PRKACB: variants seen among roughly 807,000 people sequenced by gnomAD.
PRKACB encodes the protein protein kinase cAMP-activated catalytic subunit beta, also known as cAMP-dependent protein kinase catalytic subunit beta.
Under a neutral mutation model 51.4 loss-of-function variants are expected in PRKACB, and 16 were observed. That is an observed-to-expected ratio of 0.31 (90% CI 0.21 to 0.47). The LOEUF (loss-of-function observed/expected upper bound fraction) is 0.47, where lower values mean the gene tolerates loss of function less well. PRKACB is among the 20% of genes least tolerant of loss of function. The pLI, the probability that PRKACB is intolerant of heterozygous loss-of-function variation, is 1.00. For synonymous variants in PRKACB, 147 were observed against 154.4 expected (o/e 0.95, Z 0.35); for missense variants, 309 against 464.5 (o/e 0.67, Z 3.08).
chr1:84,174,813 TAAG>T (rs1336404259), intron 1 of PRKACB, among the ~76,000 whole-genome samples: 1 of 151,896 alleles, frequency 6.6e-6, no homozygotes, highest in Admixed American at 6.6e-5. Context: ...TTAAGGAAAA[TAAG>T]AAGGTTATTG....
At chr1:84,199,016 C>T (rs551525564) in intron 7 of PRKACB, among the ~76,000 whole-genome samples, 3 of 140,642 alleles carry the variant, frequency 2.1e-5, no homozygotes, top group Non-Finnish European at 3.1e-5. Context: ...TACATATATG[C>T]GTATATATAC....
upstream of PRKACB, among the ~76,000 whole-genome samples, chr1:84,142,444 T>C (rs994657559): frequency 1.3e-5 from 2 of 152,210 alleles, no homozygotes; most frequent in East Asian, 1.9e-4. Flanking sequence ...TGTTGAAGAC[T>C]ACAGACATTT....
intron 1 of PRKACB, among the ~76,000 whole-genome samples, chr1:84,100,105 A>G (rs1366188983): frequency 1.3e-5 from 2 of 152,240 alleles, no homozygotes; most frequent in Non-Finnish European, 2.9e-5. Flanking sequence ...AGGCCTCAGG[A>G]AACTTACATT....
At chr1:84,169,546 G>A (rs996802343) in intron 1 of PRKACB, among the ~76,000 whole-genome samples, 5 of 151,438 alleles carry the variant, frequency 3.3e-5, no homozygotes, top group African/African-American at 1.2e-4. Context: ...AGAATGTAGA[G>A]GAAATGGACA....
At position 84,148,541 on chromosome 1, in the gene PRKACB, G is replaced by A. The variant is rs112068828; in HGVS notation, c.187+3993G>A. Among the ~76,000 whole-genome samples, 287 of 152,044 alleles carry A rather than the reference G, an allele frequency of 1.9e-3. 1 individual carries two copies. The highest frequency in any genetic ancestry group is 6.6e-3 in the African/African-American group (274 of 41,502). On this transcript the variant is annotated intron_variant, in intron 1 of 9. Coordinates refer to ENST00000370685, the MANE Select transcript of PRKACB (RefSeq NM_182948.4). The stretch of plus-strand genomic sequence containing the variant: ...ATTTTCAATAAATCTTGAGTTATTT[G>A]TTAAATTAACATTAAACATCACTGC...
At chr1:84,178,450 T>C (rs1662090970) in intron 1 of PRKACB, among the ~76,000 whole-genome samples, 1 of 152,030 alleles carries the variant, frequency 6.6e-6, no homozygotes, top group Non-Finnish European at 1.5e-5. Context: ...CATAGCTCTA[T>C]AAAATAATGT....
At chr1:84,112,180 C>A (rs1449783929) in intron 1 of PRKACB, among the ~76,000 whole-genome samples, 1 of 150,344 alleles carries the variant, frequency 6.7e-6, no homozygotes, top group Non-Finnish European at 1.5e-5. Context: ...GCATTGGAGG[C>A]AAGTGTCCAT....
intron 4 of PRKACB, 110 bp from the exon 5 acceptor site, chr1:84,184,990 G>A: frequency 3.8e-6 from 2 of 526,048 alleles, no homozygotes; most frequent in Non-Finnish European, 6.2e-6. Context: ...ATTTCTCAAG[G>A]TTATTAATCT....
At chr1:84,148,060 G>T (rs1571816693) in intron 1 of PRKACB, among the ~76,000 whole-genome samples, 1 of 152,098 alleles carries the variant, frequency 6.6e-6, no homozygotes, top group African/African-American at 2.4e-5. Context: ...TTCCGTTTTT[G>T]CTGGGCATTT....
chr1:84,146,865 A>C (rs907478301), intron 1 of PRKACB, among the ~76,000 whole-genome samples: 1 of 152,034 alleles, frequency 6.6e-6, no homozygotes, highest in African/African-American at 2.4e-5. Context: ...ATCTTTTACT[A>C]TTAAACTAAG....
chr1:84,116,207 C>T (rs1198060344), intron 1 of PRKACB, among the ~76,000 whole-genome samples: 2 of 151,934 alleles, frequency 1.3e-5, no homozygotes, highest in Non-Finnish European at 2.9e-5. Flanking sequence ...CATTATGTGT[C>T]TTTTTTTATA....
intron 1 of PRKACB, among the ~76,000 whole-genome samples, chr1:84,092,340 T>C (rs1180809674): frequency 6.6e-6 from 1 of 152,220 alleles, no homozygotes; most frequent in East Asian, 1.9e-4. Context: ...CATGTTTTTG[T>C]CATAGCAGTG....
chr1:84,231,707 G>A (rs1022304321), intron 9 of PRKACB, among the ~76,000 whole-genome samples: 22 of 152,128 alleles, frequency 1.4e-4, no homozygotes, highest in South Asian at 6.2e-4. Flanking sequence ...GTTTATTTGC[G>A]TAGAGGTGTT....
chr1:84,164,826 C>A (rs1299698233), intron 1 of PRKACB: 1 of 1,380,492 alleles, frequency 7.2e-7, no homozygotes, highest in Non-Finnish European at 9.4e-7. Context: ...GGCAGTTATG[C>A]TTTGCTTCTA....
At chr1:84,175,642 T>G (rs1660968487) in intron 1 of PRKACB, among the ~76,000 whole-genome samples, 1 of 151,792 alleles carries the variant, frequency 6.6e-6, no homozygotes, top group Non-Finnish European at 1.5e-5. Context: ...TTAAACTATG[T>G]TCTATGTATA....
chr1:84,096,220 A>T (rs1424687642), intron 1 of PRKACB, among the ~76,000 whole-genome samples: 1 of 151,994 alleles, frequency 6.6e-6, no homozygotes, highest in Non-Finnish European at 1.5e-5. Context: ...GGTGGTGTTT[A>T]TCAGGGCCCT....
intron 6 of PRKACB, 148 bp downstream of exon 6, chr1:84,196,890 G>T: frequency 3.5e-6 from 3 of 849,758 alleles, no homozygotes; most frequent in Admixed American, 3.1e-5. Flanking sequence ...TGCTATTACA[G>T]AGAAGCAAAA....
chr1:84,183,868 G>A (rs752275357), intron 3 of PRKACB, among the ~76,000 whole-genome samples, 169 bp from the exon 4 acceptor site: 12 of 151,638 alleles, frequency 7.9e-5, no homozygotes, highest in Non-Finnish European at 1.6e-4. Flanking sequence ...GGCAAAAACC[G>A]CAATTACTTA....
At chr1:84,154,862 T>C (rs1198637427) in intron 1 of PRKACB, among the ~76,000 whole-genome samples, 1 of 152,076 alleles carries the variant, frequency 6.6e-6, no homozygotes, top group Non-Finnish European at 1.5e-5. Context: ...AACTTTTTAG[T>C]TATGGAAGTG....
Sources: gnomAD v4.1 joint callset for allele counts (sites outside exome capture counted in the v4.1 genomes callset) on GRCh38, gnomAD v4.1.1 for gene constraint, MANE v1.5 for transcripts, NCBI Gene and HGNC (gene_info 2026-07-23, HGNC 2026-07-21) for gene names.